CDH13: variants seen among roughly 807,000 people sequenced by gnomAD.
The protein encoded by CDH13 is cadherin-13.
Under a neutral mutation model 63.8 loss-of-function variants are expected in CDH13, and 24 were observed. The ratio of observed to expected loss-of-function variants is 0.38; its 90% CI spans 0.27 to 0.53. The LOEUF is 0.53. CDH13 is among the 20% of genes least tolerant of loss of function. CDH13 has a pLI of 0.85. For synonymous variants in CDH13, 503 were observed against 355.3 expected, an observed-to-expected ratio of 1.42 and a Z score of -4.67; for missense variants, 1,049 against 903.1, an observed-to-expected ratio of 1.16 and a Z score of -2.07.
chr16:83,513,562 AG>A (rs777910044), intron 7 of CDH13, among the ~76,000 whole-genome samples: 2 of 152,156 alleles, frequency 1.3e-5, no homozygotes, highest in Non-Finnish European at 2.9e-5. Context: ...TCATGGCAGA[AG>A]GGAAAGTCAA....
chr16:82,988,792 G>A (rs1009651767), intron 2 of CDH13, among the ~76,000 whole-genome samples: 2 of 151,482 alleles, frequency 1.3e-5, no homozygotes, highest in African/African-American at 4.9e-5. Context: ...GAGTAATGAA[G>A]GGCAGATTCA....
At chr16:82,827,751 T>C (rs1160468592) in intron 1 of CDH13, among the ~76,000 whole-genome samples, 1 of 152,104 alleles carries the variant, frequency 6.6e-6, no homozygotes, top group Non-Finnish European at 1.5e-5. Context: ...TTGATGAAAA[T>C]AGACCTGATA....
At chr16:82,848,914 T>C (rs1170632830) in intron 1 of CDH13, among the ~76,000 whole-genome samples, 2 of 152,156 alleles carry the variant, frequency 1.3e-5, no homozygotes, top group African/African-American at 4.8e-5. Context: ...AGAGTAAAGT[T>C]GTGAATGCAA....
At chr16:83,759,467 T>C (rs1482960091) in intron 11 of CDH13, among the ~76,000 whole-genome samples, 2 of 152,128 alleles carry the variant, frequency 1.3e-5, no homozygotes, top group South Asian at 2.1e-4. Flanking sequence ...AGAACATATA[T>C]GTCCTTTGTG....
intron 1 of CDH13, among the ~76,000 whole-genome samples, chr16:82,833,453 A>G (rs2038631668): frequency 6.6e-6 from 1 of 152,222 alleles, no homozygotes; most frequent in Non-Finnish European, 1.5e-5. Flanking sequence ...AATTCAACCC[A>G]GGAACCCAAC....
intron 5 of CDH13, among the ~76,000 whole-genome samples, chr16:83,262,466 A>G (rs992977140): frequency 1.3e-5 from 2 of 152,202 alleles, no homozygotes; most frequent in African/African-American, 4.8e-5. Context: ...TTCAAATATT[A>G]TATGGTGCAG....
intron 6 of CDH13, among the ~76,000 whole-genome samples, chr16:83,456,283 C>T (rs1265049537): frequency 2.0e-5 from 3 of 152,150 alleles, no homozygotes; most frequent in Admixed American, 1.3e-4. Context: ...TTCACTAAAT[C>T]GAATGGACCA....
chr16:83,055,851 A>G (rs1316217625), intron 3 of CDH13, among the ~76,000 whole-genome samples: 1 of 152,194 alleles, frequency 6.6e-6, no homozygotes, highest in Non-Finnish European at 1.5e-5. Context: ...AGGTAGATAA[A>G]TTTGACTTCA....
chr16:83,303,351 C>G (rs915434886), intron 5 of CDH13, among the ~76,000 whole-genome samples: 2 of 152,190 alleles, frequency 1.3e-5, no homozygotes, highest in Admixed American at 1.3e-4. Flanking sequence ...GCTTATACAA[C>G]TTTCTTCATT....
intron 3 of CDH13, among the ~76,000 whole-genome samples, chr16:83,039,679 A>G (rs2151485970): frequency 6.6e-6 from 1 of 152,200 alleles, no homozygotes; most frequent in South Asian, 2.1e-4. Context: ...GGCGCAGAGT[A>G]TTCAGTGGAT....
intron 2 of CDH13, among the ~76,000 whole-genome samples, chr16:82,915,423 G>T (rs532446909): frequency 2.0e-5 from 3 of 152,288 alleles, no homozygotes; most frequent in East Asian, 3.9e-4. Flanking sequence ...TGTAACGAAG[G>T]TATCTTTCTT....
intron 6 of CDH13, among the ~76,000 whole-genome samples, chr16:83,352,897 T>A (rs1259291690): frequency 6.6e-6 from 1 of 151,970 alleles, no homozygotes; most frequent in Non-Finnish European, 1.5e-5. Context: ...CTCAAAAAAA[T>A]AAATAAATAA....
intron 5 of CDH13, among the ~76,000 whole-genome samples, chr16:83,254,282 T>A (rs1905943825): frequency 6.6e-6 from 1 of 152,202 alleles, no homozygotes; most frequent in South Asian, 2.1e-4. Flanking sequence ...AGCTCACTGC[T>A]TAGCATCATG....
At chr16:83,721,697 G>A (rs556921166) in intron 10 of CDH13, 1 of 152,362 alleles carries the variant, frequency 6.6e-6, no homozygotes, top group Admixed American at 6.5e-5. Flanking sequence ...TGTTTCCAGT[G>A]TTAACCACCT....
intron 2 of CDH13, among the ~76,000 whole-genome samples, chr16:82,989,797 A>G (rs1047959063): frequency 2.6e-5 from 4 of 152,152 alleles, no homozygotes; most frequent in Admixed American, 1.3e-4. Context: ...TAACCAGGCA[A>G]TGTGATTTAC....
At chr16:82,860,724 C>T (rs1488255712) in intron 2 of CDH13, among the ~76,000 whole-genome samples, 3 of 151,770 alleles carry the variant, frequency 2.0e-5, no homozygotes, top group African/African-American at 7.3e-5. Context: ...GAGTATAGAG[C>T]CTGCAGATAA....
At chr16:83,050,973 CA>C (rs1318498123) in intron 3 of CDH13, among the ~76,000 whole-genome samples, 7 of 152,166 alleles carry the variant, frequency 4.6e-5, no homozygotes, top group Admixed American at 2.6e-4. Flanking sequence ...TTTCTACCTG[CA>C]AACTCTTCAT....
chr16:82,812,144 A>T (rs771225575), intron 1 of CDH13, among the ~76,000 whole-genome samples: 9 of 151,840 alleles, frequency 5.9e-5, no homozygotes, highest in Non-Finnish European at 1.3e-4. Flanking sequence ...CCTAACAATC[A>T]TTGTGCCAAC....
intron 2 of CDH13, among the ~76,000 whole-genome samples, chr16:83,016,067 C>A (rs539794974): frequency 6.6e-6 from 1 of 152,102 alleles, no homozygotes; most frequent in Non-Finnish European, 1.5e-5. Context: ...GCACTCTTGG[C>A]AGGCATCCTT....
Sources: allele counts gnomAD v4.1 joint callset (sites outside exome capture counted in the v4.1 genomes callset), GRCh38; gene constraint gnomAD v4.1.1; transcripts MANE v1.5; gene names NCBI Gene and HGNC (gene_info 2026-07-23, HGNC 2026-07-21).